AOAH: variants seen among roughly 807,000 people sequenced by gnomAD.
AOAH encodes the protein acyloxyacyl hydrolase (neutrophil).
Under a neutral mutation model 92.2 loss-of-function variants are expected in AOAH, and 64 were observed. The observed-to-expected ratio is 0.69, with a 90% confidence interval of 0.57 to 0.86. The LOEUF is 0.86. Among genes scored for constraint, AOAH ranks in the 40% least tolerant of loss-of-function variants. The pLI, the probability that AOAH is intolerant of heterozygous loss-of-function variation, is 0.00. For synonymous variants in AOAH, 263 were observed against 254.5 expected (o/e 1.03, Z -0.32); for missense variants, 656 against 694.6 (o/e 0.94, Z 0.62).
intron 13 of AOAH, among the ~76,000 whole-genome samples, chr7:36,564,798 C>T (rs1310419810): frequency 6.6e-6 from 1 of 152,248 alleles, no homozygotes; most frequent in Non-Finnish European, 1.5e-5. Flanking sequence ...AGCGCACACT[C>T]TTCACATTAC....
intron 13 of AOAH, among the ~76,000 whole-genome samples, chr7:36,570,258 G>C (rs921000023): frequency 6.7e-6 from 1 of 150,156 alleles, no homozygotes; most frequent in African/African-American, 2.4e-5. Context: ...AGTGGAATCC[G>C]GCAGTATTCG....
chr7:36,709,865 C>G (rs1301635235), intron 1 of AOAH, among the ~76,000 whole-genome samples: 2 of 152,036 alleles, frequency 1.3e-5, no homozygotes, highest in African/African-American at 4.8e-5. Context: ...TAAACAAACC[C>G]AAACCACCAA....
chr7:36,563,739 T>G (rs1326158110), intron 13 of AOAH, among the ~76,000 whole-genome samples: 2 of 152,228 alleles, frequency 1.3e-5, no homozygotes, highest in Admixed American at 6.5e-5. Context: ...TTGCTTTTAT[T>G]TTTATGATTT....
chr7:36,702,519 A>G (rs1442709698), intron 1 of AOAH, among the ~76,000 whole-genome samples: 1 of 152,226 alleles, frequency 6.6e-6, no homozygotes. Flanking sequence ...AGACCACCAC[A>G]ATAAAGCAAA....
intron 13 of AOAH, among the ~76,000 whole-genome samples, chr7:36,551,076 C>CTTT (rs11373192): frequency 3.7e-5 from 5 of 136,948 alleles, no homozygotes; most frequent in African/African-American, 5.4e-5. Flanking sequence ...TCATTTCTTT[C>CTTT]TTTTTTTTTT....
chr7:36,646,478 T>C (rs1382352621), intron 4 of AOAH, among the ~76,000 whole-genome samples: 1 of 152,254 alleles, frequency 6.6e-6, no homozygotes, highest in Non-Finnish European at 1.5e-5. Context: ...TTTTGTTACA[T>C]AGTCTTTTAC....
At chr7:36,549,513 G>T in intron 13 of AOAH, 38 bp from the exon 14 acceptor site, 1 of 1,430,952 alleles carries the variant, frequency 7.0e-7, no homozygotes, top group South Asian at 1.2e-5. Context: ...TAAAGTTAGT[G>T]AGTTCAATTT....
At chr7:36,517,274 T>TTCTGTGTCTCTC (rs1783837635) in intron 20 of AOAH, among the ~76,000 whole-genome samples, 8 of 141,088 alleles carry the variant, frequency 5.7e-5, no homozygotes, top group East Asian at 2.1e-4. Flanking sequence ...CTTTCTTTCT[T>TTCTGTGTCTCTC]TCTTTCTTTC....
At chr7:36,698,822 T>C (rs183095985) in intron 1 of AOAH, among the ~76,000 whole-genome samples, 218 of 148,268 alleles carry the variant, frequency 1.5e-3, no homozygotes, top group African/African-American at 5.6e-3. Flanking sequence ...ATTTGAATCA[T>C]TCTCTTCTAA....
chr7:36,669,216 T>C (rs951448744), intron 3 of AOAH, among the ~76,000 whole-genome samples: 2 of 152,186 alleles, frequency 1.3e-5, no homozygotes, highest in Non-Finnish European at 2.9e-5. Context: ...ATACAAATTG[T>C]AGTCACAGAG....
At chr7:36,619,735 C>T (rs1792148436) in intron 9 of AOAH, among the ~76,000 whole-genome samples, 1 of 152,142 alleles carries the variant, frequency 6.6e-6, no homozygotes, top group African/African-American at 2.4e-5. Flanking sequence ...CAAGCCTGGA[C>T]TATGAGTGTC....
At chr7:36,560,348 A>T (rs1269845865) in intron 13 of AOAH, among the ~76,000 whole-genome samples, 2 of 152,164 alleles carry the variant, frequency 1.3e-5, no homozygotes, top group Non-Finnish European at 2.9e-5. Flanking sequence ...AACAATATTG[A>T]TTCTTCCAAT....
intron 11 of AOAH, among the ~76,000 whole-genome samples, chr7:36,596,876 G>A (rs1790164317): frequency 6.6e-6 from 1 of 152,134 alleles, no homozygotes. Context: ...ATTATTCAAA[G>A]GGCTAAGACA....
At position 36,719,497 on chromosome 7, in the gene AOAH, A is replaced by G. The variant is rs79477723; in HGVS notation, c.127+4525T>C. ...TGATCTTGAAGAAAAATAGGAAGGA[A>G]GAACTTCTTCCATGTGTTGGGAAGG... On this transcript the variant is annotated intron_variant, in intron 1 of 20. Coordinates refer to ENST00000617537, the MANE Select transcript of AOAH (RefSeq NM_001637.4). 2.3e-3 allele frequency among the ~76,000 whole-genome samples: 355 copies of G among 152,372 alleles called. 4 individuals carry two copies. The highest frequency in any genetic ancestry group is 8.2e-3 in the African/African-American group (340 of 41,596).
chr7:36,593,736 G>A (rs1244026594), intron 12 of AOAH, among the ~76,000 whole-genome samples: 2 of 152,182 alleles, frequency 1.3e-5, no homozygotes, highest in Admixed American at 1.3e-4. Context: ...GATCAGACAA[G>A]ATCTGGTGTG....
chr7:36,624,819 G>A (rs1446995749), intron 6 of AOAH, among the ~76,000 whole-genome samples: 1 of 152,164 alleles, frequency 6.6e-6, no homozygotes, highest in Non-Finnish European at 1.5e-5. Context: ...CGCAGCAAGT[G>A]GCCTCCCAAG....
chr7:36,664,846 G>A (rs575511191), intron 3 of AOAH, among the ~76,000 whole-genome samples: 5 of 152,172 alleles, frequency 3.3e-5, no homozygotes, highest in Admixed American at 6.5e-5. Context: ...CAATCATGGT[G>A]GAAGGAAAAG....
At chr7:36,670,921 T>C (rs1020857713) in intron 3 of AOAH, among the ~76,000 whole-genome samples, 17 of 152,278 alleles carry the variant, frequency 1.1e-4, no homozygotes, top group African/African-American at 3.9e-4. Flanking sequence ...CACCACTCTA[T>C]AGCCAGGTAC....
intron 12 of AOAH, among the ~76,000 whole-genome samples, chr7:36,577,957 C>A (rs1350596490): frequency 6.6e-6 from 1 of 152,126 alleles, no homozygotes; most frequent in African/African-American, 2.4e-5. Flanking sequence ...CTCAGTGCTT[C>A]AGAAAGGTAA....
Sources: allele counts gnomAD v4.1 joint callset (sites outside exome capture counted in the v4.1 genomes callset), GRCh38; gene constraint gnomAD v4.1.1; transcripts MANE v1.5; gene names NCBI Gene and HGNC (gene_info 2026-07-23, HGNC 2026-07-21).